Variants in IL20RB observed in about 807,000 individuals in gnomAD.
The protein encoded by IL20RB is interleukin 20 receptor subunit beta.
IL20RB carries 21 observed loss-of-function variants against 33.3 expected under a neutral mutation model. The ratio of observed to expected loss-of-function variants is 0.63; its 90% CI spans 0.45 to 0.91. The LOEUF is 0.91. IL20RB is among the 40% of genes least tolerant of loss of function. The probability of loss-of-function intolerance (pLI) is 0.00; values close to 1 mark genes in which losing one functional copy is unlikely to be tolerated. For synonymous variants in IL20RB, 147 were observed against 146.8 expected (o/e 1.00, Z -0.01); for missense variants, 345 against 384.8 (o/e 0.90, Z 0.86).
intron 1 of IL20RB, among the ~76,000 whole-genome samples, chr3:136,972,042 A>G (rs1941499576): frequency 1.3e-5 from 2 of 152,234 alleles, no homozygotes; most frequent in South Asian, 4.1e-4. Context: ...ACCTGGGGTA[A>G]GATGACATCT....
intron 6 of IL20RB, among the ~76,000 whole-genome samples, chr3:137,007,338 C>T (rs1044859502): frequency 6.6e-6 from 1 of 151,900 alleles, no homozygotes; most frequent in Non-Finnish European, 1.5e-5. Flanking sequence ...CAGACAGGGA[C>T]GTTTAAGTCT....
In IL20RB at chr3:137,010,911, TAA is replaced by T. The variant is rs1242392623; in HGVS notation, c.*690_*691del. Reference sequence around the variant, plus strand: ...AACACGGAGGATCCATGAACTACTGTAAAGTGTTGACAGTGTGTGCACACTGC... The same window carrying T: ...AACACGGAGGATCCATGAACTACTGTAGTGTTGACAGTGTGTGCACACTGC... On this transcript the variant is annotated 3_prime_UTR_variant, in exon 7 of 7. Coordinates refer to ENST00000329582, the MANE Select transcript of IL20RB (RefSeq NM_144717.4). The T allele has an allele frequency of 3.3e-5, 5 of 152,180 alleles. No individual in the cohort carries two copies. The highest frequency in any genetic ancestry group is 5.9e-5 in the Non-Finnish European group (4 of 68,056). The allele number at this position is 152,180 out of a possible 1,614,324, so 9.4% of individuals were successfully genotyped here.
At chr3:136,993,995 A>G (rs1942080773) in intron 5 of IL20RB, among the ~76,000 whole-genome samples, 1 of 145,852 alleles carries the variant, frequency 6.9e-6, no homozygotes, top group Non-Finnish European at 1.5e-5. Context: ...CCTGGGTGAC[A>G]GAGCAAGACT....
chr3:136,961,175 T>C (rs6772311), intron 1 of IL20RB, among the ~76,000 whole-genome samples: 152,255 of 152,340 alleles, frequency 1, 76,085 homozygotes, highest in Middle Eastern at 1. Flanking sequence ...TTTACTTGTT[T>C]AACTTTCATT....
intron 1 of IL20RB, chr3:136,959,045 T>G (rs1427028178): frequency 6.6e-6 from 1 of 152,186 alleles, no homozygotes; most frequent in Non-Finnish European, 1.5e-5. Context: ...TTTGCAAAGG[T>G]GTAGAACTGG....
At chr3:136,960,471 T>G (rs920767510) in intron 1 of IL20RB, among the ~76,000 whole-genome samples, 2 of 152,176 alleles carry the variant, frequency 1.3e-5, no homozygotes, top group African/African-American at 4.8e-5. Context: ...AGAAATCATT[T>G]GCCTTGTCCT....
intron 3 of IL20RB, among the ~76,000 whole-genome samples, chr3:136,987,822 C>G (rs1211645830): frequency 6.6e-6 from 1 of 152,212 alleles, no homozygotes; most frequent in Non-Finnish European, 1.5e-5. Context: ...TCCGCAGCCG[C>G]TGGCCCGGGT....
chr3:136,999,769 G>C (rs539307172), intron 6 of IL20RB, among the ~76,000 whole-genome samples: 2 of 151,788 alleles, frequency 1.3e-5, no homozygotes, highest in Non-Finnish European at 2.9e-5. Flanking sequence ...CTGATTTTAG[G>C]CACGTCTAGT....
At chr3:136,997,089 T>TTC (rs533854627) in intron 6 of IL20RB, among the ~76,000 whole-genome samples, 234 of 152,074 alleles carry the variant, frequency 1.5e-3, no homozygotes, top group African/African-American at 5.3e-3. Context: ...ATATCTGTTT[T>TTC]TCTCTCTCTC....
intron 6 of IL20RB, among the ~76,000 whole-genome samples, chr3:137,006,389 C>G (rs985079470): frequency 1.3e-5 from 2 of 152,168 alleles, no homozygotes; most frequent in Non-Finnish European, 2.9e-5. Context: ...CTCCCCAACA[C>G]TTTCAGGCAC....
chr3:136,975,489 C>A lies in IL20RB; in HGVS notation c.89-4977C>A, dbSNP rs956720836. ...GAGTAGCTGGGACTACAGGCACACA[C>A]CACCATGCCCAGCTAATTTTTGTAT... On this transcript the variant is annotated intron_variant, in intron 1 of 6. Coordinates refer to ENST00000329582, the MANE Select transcript of IL20RB (RefSeq NM_144717.4). Among the ~76,000 whole-genome samples, 3 of 152,126 alleles carry A rather than the reference C, an allele frequency of 2.0e-5. No homozygotes were observed. In the East Asian group the frequency reaches 5.8e-4, roughly 29 times the overall value.
intron 1 of IL20RB, among the ~76,000 whole-genome samples, chr3:136,970,665 T>TCCTTCCTTCCTTCC (rs1577012180): frequency 6.9e-6 from 1 of 144,386 alleles, no homozygotes; most frequent in Non-Finnish European, 1.5e-5. Flanking sequence ...CTTCCTTCCT[T>TCCTTCCTTCCTTCC]TTTTTGAGAT....
intron 6 of IL20RB, among the ~76,000 whole-genome samples, chr3:137,006,807 C>T (rs549941805): frequency 3.9e-5 from 6 of 152,332 alleles, no homozygotes; most frequent in African/African-American, 1.2e-4. Context: ...CAGCTTTACT[C>T]CATTGCTGGC....
At chr3:136,990,778 G>A (rs1227351203) in intron 4 of IL20RB, among the ~76,000 whole-genome samples, 15 of 152,148 alleles carry the variant, frequency 9.9e-5, no homozygotes, top group Admixed American at 9.8e-4. Flanking sequence ...TGTAGGTTGG[G>A]TAGCTTCCCA....
At position 137,010,239 on chromosome 3, in the gene IL20RB, C is replaced by T. The variant is rs760126578; in HGVS notation, c.*16C>T. On this transcript the variant is annotated 3_prime_UTR_variant, in exon 7 of 7. Coordinates refer to ENST00000329582, the MANE Select transcript of IL20RB (RefSeq NM_144717.4). The stretch of plus-strand genomic sequence containing the variant: ...GATCTCATAGGTTTGCGGAAGGGCC[C>T]AGGTGAAGCCGAGAACCTGGTCTGC... 8.2e-7 allele frequency: 1 copy of T among 1,224,070 alleles called. No homozygotes were observed. Among genetic ancestry groups the T allele is most frequent in the South Asian group, 1.2e-5 (1 of 82,528 alleles). 75.8% of individuals were successfully genotyped at this position (1,224,070 alleles called of 1,614,324 possible). A position where few individuals can be genotyped will look rare whatever the true frequency, so the allele number is the denominator to read the frequency against.
chr3:136,984,827 A>G (rs2108202597), intron 3 of IL20RB, among the ~76,000 whole-genome samples: 1 of 152,250 alleles, frequency 6.6e-6, no homozygotes, highest in African/African-American at 2.4e-5. Context: ...ATTTGGTCCA[A>G]GAGGAGTTGG....
intron 5 of IL20RB, among the ~76,000 whole-genome samples, chr3:136,995,151 A>T (rs1255864016): frequency 6.6e-6 from 1 of 152,176 alleles, no homozygotes; most frequent in African/African-American, 2.4e-5. Context: ...TTAACACATG[A>T]TACTCCTCCC....
intron 5 of IL20RB, among the ~76,000 whole-genome samples, chr3:136,993,604 T>C (rs1942073349): frequency 6.6e-6 from 1 of 151,702 alleles, no homozygotes; most frequent in Non-Finnish European, 1.5e-5. Context: ...CAGTGTGTTA[T>C]GTTCCCCGCT....
At chr3:136,958,350 T>C in intron 1 of IL20RB, 149 bp downstream of exon 1, 1 of 549,210 alleles carries the variant, frequency 1.8e-6, no homozygotes, top group Admixed American at 3.5e-5. Context: ...CCTAAACCTC[T>C]ATTCCCACAT....
Sources: allele counts gnomAD v4.1 joint callset (sites outside exome capture counted in the v4.1 genomes callset), GRCh38; gene constraint gnomAD v4.1.1; transcripts MANE v1.5; gene names NCBI Gene and HGNC (gene_info 2026-07-23, HGNC 2026-07-21).